The following TOP1MT variants were observed in gnomAD, a reference collection of about 807,000 sequenced individuals.
TOP1MT encodes DNA topoisomerase I mitochondrial.
Under a neutral mutation model 73.9 loss-of-function variants are expected in TOP1MT, and 80 were observed. The ratio of observed to expected loss-of-function variants is 1.08; its 90% CI spans 0.90 to 1.30. TOP1MT has a LOEUF of 1.30. Ranked by LOEUF, TOP1MT falls within the 50% of genes most tolerant of loss-of-function variation. TOP1MT has a pLI of 0.00. For synonymous variants in TOP1MT, 338 were observed against 326.4 expected (o/e 1.04, Z -0.38); for missense variants, 815 against 808.0 (o/e 1.01, Z -0.10).
chr8:143,323,364 G>T (rs1436376211), intron 7 of TOP1MT, among the ~76,000 whole-genome samples: 3 of 72,358 alleles, frequency 4.1e-5, no homozygotes, highest in African/African-American at 5.8e-5. Flanking sequence ...CACACCCACA[G>T]GCACGCCACA....
At chr8:143,353,003 TG>T in intron 1 of TOP1MT, among the ~76,000 whole-genome samples, 1 of 152,342 alleles carries the variant, frequency 6.6e-6, no homozygotes, top group East Asian at 1.9e-4. Context: ...TGAAAACTTT[TG>T]TGCTTCAAAA....
rs978239276 is a variant in TOP1MT, at chr8:143,325,243, CAT to C, written c.671+101_671+102del. On this transcript the variant is annotated intron_variant, in intron 5 of 13. Transcript: ENST00000329245. Reference sequence around the variant, plus strand: ...GGAATGGTGTGGGGGTCACCAACCACATGTTTCTCGGTGTGCCTCCCTCTCCC... The same window carrying C: ...GGAATGGTGTGGGGGTCACCAACCACGTTTCTCGGTGTGCCTCCCTCTCCC... 32 of 1,090,278 alleles carry C rather than the reference CAT, an allele frequency of 2.9e-5. No homozygotes were observed. In the South Asian group the frequency reaches 3.2e-4, roughly 11 times the overall value. The allele number at this position is 1,090,278 out of a possible 1,614,324, so 67.5% of individuals were successfully genotyped here.
chr8:143,347,271 C>T (rs1324896408), upstream of TOP1MT, among the ~76,000 whole-genome samples: 1 of 152,230 alleles, frequency 6.6e-6, no homozygotes, highest in African/African-American at 2.4e-5. Flanking sequence ...TCTACTGCCT[C>T]AGCCTCCCAA....
intron 10 of TOP1MT, among the ~76,000 whole-genome samples, chr8:143,317,307 A>G (rs980563014): frequency 3.9e-5 from 6 of 152,158 alleles, no homozygotes; most frequent in African/African-American, 1.4e-4. Context: ...GAGGGCCCTG[A>G]AGCTGAGACA....
At position 143,344,310 on chromosome 8, in the gene TOP1MT, AG is replaced by A. The variant is rs1817182418; in HGVS notation, c.-39+605del. 1 of 152,402 alleles carries A rather than the reference AG, an allele frequency of 6.6e-6. No homozygotes were observed. The highest frequency in any genetic ancestry group is 1.9e-4 in the East Asian group (1 of 5,178). The allele number at this position is 152,402 out of a possible 1,614,324, so 9.4% of individuals were successfully genotyped here. On this transcript the variant is annotated intron_variant, in intron 1 of 5. Transcript: ENST00000518007. This position sits in a 1 kb window ranked among gnomAD's most constrained non-coding sequence, Gnocchi z 4.6. ...TAGAGTCCCACAGGGAAGCCGTGGGAGGCCCCCTCTGCCCCAGCCCAGCTCA... is the reference window on the plus strand; with the variant it reads ...TAGAGTCCCACAGGGAAGCCGTGGGAGCCCCCTCTGCCCCAGCCCAGCTCA...
At chr8:143,347,417 A>C (rs1483576443), upstream of TOP1MT, among the ~76,000 whole-genome samples, 3 of 151,888 alleles carry the variant, frequency 2.0e-5, no homozygotes, top group African/African-American at 7.3e-5. Flanking sequence ...GGCCTCCCAG[A>C]GTGCTGGGAT....
intron 13 of TOP1MT, chr8:143,309,814 C>T (rs1269450612): frequency 3.3e-6 from 5 of 1,533,682 alleles, no homozygotes; most frequent in Non-Finnish European, 4.4e-6. Context: ...AGGCTGAGCT[C>T]CACAGGCCCT....
At chr8:143,337,178 G>A (rs1433263056), upstream of TOP1MT, among the ~76,000 whole-genome samples, 3 of 152,188 alleles carry the variant, frequency 2.0e-5, no homozygotes, top group Non-Finnish European at 4.4e-5. Context: ...TGTAATCCCA[G>A]CACTTTGGGA....
In TOP1MT at chr8:143,310,104, T is replaced by C. The variant is rs1400702056; in HGVS notation, c.1667A>G (p.Lys556Arg). 6.2e-7 allele frequency: 1 copy of C among 1,613,472 alleles called. No homozygotes were observed. The highest frequency in any genetic ancestry group is 1.3e-5 in the African/African-American group (1 of 74,934). Residue 556 changes from lysine to arginine, a missense_variant, in exon 13 of 14, where the codon AAG (lysine) becomes AGG (arginine). Lys to Arg is a conservative substitution (Grantham distance 26). Transcript: ENST00000329245. Reference protein sequence around the residue: ...ENKQVALGTSKLNYLDPRISI... With the variant: ...ENKQVALGTSRLNYLDPRISI... ...GATCCTGGGGTCCAGGTAGTTGAGC[T>C]TGGACGTGCCCAGGGCCACCTGCTT... is the stretch of plus-strand genomic sequence containing the variant.
chr8:143,346,813 G>A (rs1013005897), upstream of TOP1MT, among the ~76,000 whole-genome samples: 7 of 152,030 alleles, frequency 4.6e-5, no homozygotes, highest in East Asian at 1.9e-4. Flanking sequence ...ATGAACTAGC[G>A]CACAGGTCAG....
intron 7 of TOP1MT, among the ~76,000 whole-genome samples, chr8:143,323,022 A>G (rs571194216): frequency 2.1e-4 from 8 of 38,326 alleles, no homozygotes; most frequent in Non-Finnish European, 4.7e-4. Context: ...ACACACATGC[A>G]CACACACACA....
chr8:143,340,480 T>C (rs1477796237), intron 2 of TOP1MT, among the ~76,000 whole-genome samples: 1 of 152,010 alleles, frequency 6.6e-6, no homozygotes, highest in Non-Finnish European at 1.5e-5. Context: ...GCCATCTTTC[T>C]TCTCTCCCTC....
At position 143,318,044 on chromosome 8, in the gene TOP1MT, G is replaced by T. The variant is rs371289275; in HGVS notation, c.1189C>A (p.Arg397=). ...LQLFMENKDP[R]DDLFDRLTTT... ...GTCAGCCTGTCGAAGAGGTCGTCCC[G>T]GGGGTCCTTGTTCTCCATAAAGAGC... The change falls in exon 9 of 14, where the codon CGG becomes AGG. Residue 397 remains arginine (R), a synonymous_variant. Coordinates refer to ENST00000329245, the MANE Select transcript of TOP1MT (RefSeq NM_052963.3). 62 of 1,613,946 alleles carry T rather than the reference G, an allele frequency of 3.8e-5. No homozygotes were observed. The South Asian group carries it at 5.8e-4, about 15-fold the overall frequency.
At chr8:143,357,568 G>T (rs1229481439), upstream of TOP1MT, among the ~76,000 whole-genome samples, 2 of 151,936 alleles carry the variant, frequency 1.3e-5, no homozygotes, top group African/African-American at 2.4e-5. Context: ...ACTGCTTGGG[G>T]CAAGGAGTCC....
intron 10 of TOP1MT, among the ~76,000 whole-genome samples, chr8:143,317,047 G>C (rs753706747): frequency 2.0e-5 from 3 of 152,248 alleles, no homozygotes; most frequent in Admixed American, 6.5e-5. Context: ...GGGTGCACGC[G>C]AAACACATGC....
At chr8:143,332,578 A>C in intron 1 of TOP1MT, 1 of 1,289,392 alleles carries the variant, frequency 7.8e-7, no homozygotes, top group Non-Finnish European at 1.0e-6. Context: ...GTGTCCTCAG[A>C]GCAACAGGAA....
chr8:143,340,491 T>C (rs1817059150), intron 2 of TOP1MT, among the ~76,000 whole-genome samples: 1 of 152,140 alleles, frequency 6.6e-6, no homozygotes, highest in Non-Finnish European at 1.5e-5. Flanking sequence ...TCTCTCCCTC[T>C]GGACACCCCA....
chr8:143,335,032 T>C, upstream of TOP1MT: 1 of 621,392 alleles, frequency 1.6e-6, no homozygotes. Context: ...GACCACTGAC[T>C]GTCCTGCCGG....
At chr8:143,331,199 G>T in intron 2 of TOP1MT, 25 bp downstream of exon 2, 1 of 1,564,336 alleles carries the variant, frequency 6.4e-7, no homozygotes. Flanking sequence ...GCAGGCTGGG[G>T]AGGAGCCGCT....
Sources: gnomAD v4.1 joint callset for allele counts (sites outside exome capture counted in the v4.1 genomes callset) on GRCh38, gnomAD v4.1.1 for gene constraint, Gnocchi (gnomAD v3.1) non-coding constraint, MANE v1.5 for transcripts, NCBI Gene and HGNC (gene_info 2026-07-23, HGNC 2026-07-21) for gene names.